The following PPHLN1 variants were observed in gnomAD, a reference collection of about 807,000 sequenced individuals.
PPHLN1 encodes the protein periphilin 1.
Under a neutral mutation model 51.3 loss-of-function variants are expected in PPHLN1, and 29 were observed. The ratio of observed to expected loss-of-function variants is 0.57; its 90% CI spans 0.42 to 0.77. PPHLN1 has a LOEUF of 0.77. Among genes scored for constraint, PPHLN1 ranks in the 30% least tolerant of loss-of-function variants. The probability of loss-of-function intolerance (pLI) is 0.00; values close to 1 mark genes in which losing one functional copy is unlikely to be tolerated. For synonymous variants in PPHLN1, 147 were observed against 147.8 expected (o/e 0.99, Z 0.04); for missense variants, 436 against 438.4 (o/e 0.99, Z 0.05).
chr12:42,416,757 G>T (rs1320817357), intron 9 of PPHLN1, among the ~76,000 whole-genome samples: 3 of 152,196 alleles, frequency 2.0e-5, no homozygotes, highest in Admixed American at 1.3e-4. Context: ...TTCAAATAAT[G>T]ACTGAGAAAT....
intron 3 of PPHLN1, among the ~76,000 whole-genome samples, chr12:42,353,276 C>A (rs1456790898): frequency 6.6e-6 from 1 of 152,148 alleles, no homozygotes; most frequent in East Asian, 1.9e-4. Flanking sequence ...GTTTTCCCAC[C>A]TTTTCTCTTT....
chr12:42,424,652 A>G (rs2081271299), intron 9 of PPHLN1, among the ~76,000 whole-genome samples: 1 of 152,150 alleles, frequency 6.6e-6, no homozygotes, highest in African/African-American at 2.4e-5. Context: ...AGCTGTAGGT[A>G]ATCCTGACCA....
rs1420628548 is a variant in PPHLN1, at chr12:42,383,105, C to T, written c.512-1835C>T. ...TTAAATAGTCCAAGCCTACCTAAGA[C>T]AATACTAATGGGAATCTGTAATTAT... On this transcript the variant is annotated intron_variant, in intron 5 of 9. Coordinates refer to ENST00000358314, the MANE Select transcript of PPHLN1 (RefSeq NM_201439.2). 4.6e-5 allele frequency among the ~76,000 whole-genome samples: 7 copies of T among 152,224 alleles called. No individual in the cohort carries two copies. The East Asian group carries it at 1.3e-3, about 29-fold the overall frequency.
At chr12:42,414,369 G>C (rs926231475) in intron 9 of PPHLN1, among the ~76,000 whole-genome samples, 1 of 152,144 alleles carries the variant, frequency 6.6e-6, no homozygotes, top group African/African-American at 2.4e-5. Context: ...CATTGAATCT[G>C]TAGATTGCTT....
chr12:42,348,691 A>T (rs977891457), intron 2 of PPHLN1, among the ~76,000 whole-genome samples: 1 of 152,168 alleles, frequency 6.6e-6, no homozygotes, highest in African/African-American at 2.4e-5. Flanking sequence ...ACAAACAAGG[A>T]TATTGTGTAA....
chr12:42,358,556 A>G (rs2074294218), intron 4 of PPHLN1, among the ~76,000 whole-genome samples: 2 of 151,818 alleles, frequency 1.3e-5, no homozygotes, highest in Non-Finnish European at 2.9e-5. Flanking sequence ...ACACCCATCT[A>G]TTTTATTTTA....
At chr12:42,432,923 G>GTCAT in intron 9 of PPHLN1, 1 of 1,122,766 alleles carries the variant, frequency 8.9e-7, no homozygotes, top group East Asian at 2.3e-5. Context: ...GGCAGACAGT[G>GTCAT]TCATTAGCTG....
chr12:42,399,120 A>G lies in PPHLN1; in HGVS notation c.909+126A>G, dbSNP rs564610167. 12 of 1,437,208 alleles carry G rather than the reference A, an allele frequency of 8.3e-6. No individual in the cohort carries two copies. In the East Asian group the frequency reaches 1.5e-4, roughly 18 times the overall value. 89.0% of individuals were successfully genotyped at this position (1,437,208 alleles called of 1,614,324 possible). On this transcript the variant is annotated intron_variant, in intron 9 of 9. Transcript: ENST00000358314. The stretch of plus-strand genomic sequence containing the variant: ...TAACTCTAAAACTACAACTTAAAAA[A>G]TTATAAAAATTGTTTGAGTTGACTT...
intron 1 of PPHLN1, among the ~76,000 whole-genome samples, chr12:42,328,576 A>C (rs1189127782): frequency 6.6e-6 from 1 of 152,236 alleles, no homozygotes; most frequent in Non-Finnish European, 1.5e-5. Context: ...AATTTCAGTT[A>C]ATTGATCAAT....
At chr12:42,364,201 G>C (rs113408653) in intron 4 of PPHLN1, among the ~76,000 whole-genome samples, 1 of 152,130 alleles carries the variant, frequency 6.6e-6, no homozygotes, top group African/African-American at 2.4e-5. Context: ...TCCAGCTTGG[G>C]CAACAAGAGC....
intron 4 of PPHLN1, among the ~76,000 whole-genome samples, chr12:42,359,950 A>C (rs888236420): frequency 2.0e-5 from 3 of 152,014 alleles, no homozygotes; most frequent in Non-Finnish European, 4.4e-5. Context: ...TCCACAAAAA[A>C]TACAAAAATT....
chr12:42,431,106 A>G (rs572313082), intron 9 of PPHLN1, among the ~76,000 whole-genome samples: 165 of 152,342 alleles, frequency 1.1e-3, no homozygotes, highest in South Asian at 3.1e-3. Flanking sequence ...ACTGCCAAAT[A>G]TCACCCAGTG....
rs140851391 is a variant in PPHLN1 at position 42,433,105 on chromosome 12, C to G, written c.910-8210C>G. 1.2e-5 allele frequency: 9 copies of G among 779,822 alleles called. No individual in the cohort carries two copies. In the East Asian group the frequency reaches 2.2e-4, roughly 19 times the overall value. The allele number at this position is 779,822 out of a possible 1,614,324, so 48.3% of individuals were successfully genotyped here. On this transcript the variant is annotated intron_variant, in intron 9 of 9. Transcript: ENST00000358314. ...TTTTTATTGACAGGCCAAAGTTGTT[C>G]AAATGTGACTATTTCATTGTAAGTA... is the stretch of plus-strand genomic sequence containing the variant.
chr12:42,361,679 A>G (rs897979535), intron 4 of PPHLN1: 2 of 152,244 alleles, frequency 1.3e-5, no homozygotes, highest in Non-Finnish European at 2.9e-5. Context: ...TATATGTAAC[A>G]TAATAAAGTA....
intron 9 of PPHLN1, among the ~76,000 whole-genome samples, chr12:42,426,362 A>G (rs2139779348): frequency 6.6e-6 from 1 of 152,310 alleles, no homozygotes; most frequent in East Asian, 1.9e-4. Context: ...GATTTAGTTC[A>G]GTCAGGGCTT....
At chr12:42,438,687 T>G (rs552439189) in intron 9 of PPHLN1, among the ~76,000 whole-genome samples, 1 of 152,252 alleles carries the variant, frequency 6.6e-6, no homozygotes, top group South Asian at 2.1e-4. Flanking sequence ...CCGCAACCCC[T>G]GCCTCCCAGG....
chr12:42,349,624 G>T (rs2072914317), intron 2 of PPHLN1, among the ~76,000 whole-genome samples: 1 of 152,144 alleles, frequency 6.6e-6, no homozygotes, highest in Non-Finnish European at 1.5e-5. Context: ...CGAGCATGCT[G>T]CCTTCAGGCA....
chr12:42,373,126 C>T (rs181384073), intron 4 of PPHLN1, among the ~76,000 whole-genome samples: 1 of 152,288 alleles, frequency 6.6e-6, no homozygotes, highest in Admixed American at 6.5e-5. Context: ...CTAATGTCAG[C>T]CTCTCCTATT....
chr12:42,446,880 A>G (rs2083348079), downstream of PPHLN1: 1 of 415,114 alleles, frequency 2.4e-6, no homozygotes, highest in Non-Finnish European at 4.3e-6. Context: ...GAATTTATCT[A>G]GATAAGTTTG....
Sources: gnomAD v4.1 joint callset for allele counts (sites outside exome capture counted in the v4.1 genomes callset) on GRCh38, gnomAD v4.1.1 for gene constraint, MANE v1.5 for transcripts, NCBI Gene and HGNC (gene_info 2026-07-23, HGNC 2026-07-21) for gene names.